The following GLRA2 variants were observed in gnomAD, a reference collection of about 807,000 sequenced individuals.
The protein encoded by GLRA2 is glycine receptor alpha 2.
In GLRA2, 11 loss-of-function variants were observed where a neutral mutation model predicts 31.6. The observed-to-expected ratio is 0.35, with a 90% CI of 0.22 to 0.58. The LOEUF (loss-of-function observed/expected upper bound fraction) is 0.58, where lower values mean the gene tolerates loss of function less well. Ranked by LOEUF, GLRA2 falls within the 20% of genes least tolerant of loss-of-function variation. GLRA2 has a pLI of 0.84. For synonymous variants in GLRA2, 132 were observed against 134.0 expected (o/e 0.99, Z 0.10); for missense variants, 212 against 351.8 (o/e 0.60, Z 3.18).
chrX:14,489,312 G>GTTAGGAAACCTT, the GLRA2 span, among the ~76,000 whole-genome samples: 1 of 111,341 alleles, frequency 9.0e-6, no homozygotes, highest in Non-Finnish European at 1.9e-5. Flanking sequence ...ACTCACAAAT[G>GTTAGGAAACCTT]TTAGGAAACC....
intron 2 of GLRA2, among the ~76,000 whole-genome samples, chrX:14,571,762 C>A (rs762108406): frequency 6.1e-5 from 4 of 65,747 alleles, no homozygotes; most frequent in Admixed American, 2.6e-4. Flanking sequence ...TGCAAATGAA[C>A]CTTGAACCAA....
At chrX:14,531,070 A>G (rs1253847521) in intron 1 of GLRA2, 1 of 966,578 alleles carries the variant, frequency 1.0e-6, no homozygotes, top group East Asian at 7.6e-5. Flanking sequence ...ATTAAGAAAA[A>G]ATATAGGCTG....
the GLRA2 span, among the ~76,000 whole-genome samples, chrX:14,487,407 A>AAC: frequency 7.7e-4 from 83 of 107,385 alleles, no homozygotes; most frequent in Non-Finnish European, 1.4e-3. Context: ...AAAAAAAAAA[A>AAC]AAAAAAAAGG....
intron 7 of GLRA2, 45 bp from the exon 8 acceptor site, chrX:14,690,665 C>T: frequency 1.1e-6 from 1 of 894,205 alleles, no homozygotes; most frequent in Non-Finnish European, 1.6e-6. Context: ...TTCTTTCTCT[C>T]TCTCTCTCTC....
intron 2 of GLRA2, 123 bp from the exon 3 acceptor site, chrX:14,574,210 T>A: frequency 2.2e-6 from 1 of 460,955 alleles, no homozygotes; most frequent in Non-Finnish European, 3.8e-6. Context: ...AGGGTAAAAC[T>A]TTTTTTTTGG....
At chrX:14,552,723 C>T (rs911239888) in intron 2 of GLRA2, among the ~76,000 whole-genome samples, 3 of 112,144 alleles carry the variant, frequency 2.7e-5, no homozygotes, top group African/African-American at 9.7e-5. Flanking sequence ...ACCTGGCAGA[C>T]CTTCTACCTC....
intron 4 of GLRA2, among the ~76,000 whole-genome samples, chrX:14,595,537 T>G (rs1350323948): frequency 3.6e-5 from 4 of 111,879 alleles, no homozygotes; most frequent in Non-Finnish European, 7.5e-5. Flanking sequence ...GTTAAAAAAT[T>G]TCATTCCTTG....
chrX:14,461,707 C>A, the GLRA2 span, among the ~76,000 whole-genome samples: 1 of 111,687 alleles, frequency 9.0e-6, no homozygotes, highest in Non-Finnish European at 1.9e-5. Flanking sequence ...CTTGGTAGAT[C>A]TTCCTCCATC....
intron 7 of GLRA2, among the ~76,000 whole-genome samples, chrX:14,620,245 C>T (rs968853662): frequency 1.8e-5 from 2 of 108,644 alleles, no homozygotes; most frequent in African/African-American, 6.7e-5. Flanking sequence ...TTTGCTTCCT[C>T]AGCACTGTCA....
chrX:14,591,056 C>T (rs1294878913), intron 4 of GLRA2, among the ~76,000 whole-genome samples: 2 of 111,763 alleles, frequency 1.8e-5, no homozygotes, highest in Non-Finnish European at 3.8e-5. Flanking sequence ...GTATGTATGA[C>T]AGACTCTCAT....
intron 7 of GLRA2, among the ~76,000 whole-genome samples, chrX:14,635,792 T>A (rs1248829966): frequency 2.7e-5 from 3 of 111,946 alleles, no homozygotes; most frequent in Non-Finnish European, 5.6e-5. Flanking sequence ...TCATGTTATG[T>A]CTATTGAAAA....
Position 14,724,626 on chromosome X carries a change from C to CAAAAA in GLRA2, c.1081-5559_1081-5555dup, listed in dbSNP as rs758722703. ...GGGTGACAAAAGCAAAACTCTGTCT[C>CAAAAA]AAAAAAAAAAAAAAAAAAAAAAAAA... On this transcript the variant is annotated intron_variant, in intron 8 of 8. Coordinates refer to ENST00000218075, the MANE Select transcript of GLRA2 (RefSeq NM_002063.4). 1.0e-4 allele frequency among the ~76,000 whole-genome samples: 5 copies of CAAAAA among 49,579 alleles called. 1 individual carries two copies. Among genetic ancestry groups the CAAAAA allele is most frequent in the African/African-American group, 1.7e-4 (2 of 11,558 alleles). 43.1% of individuals were successfully genotyped at this position (49,579 alleles called of 115,157 possible).
chrX:14,480,608 G>A, the GLRA2 span, among the ~76,000 whole-genome samples: 1 of 111,336 alleles, frequency 9.0e-6, no homozygotes, highest in Non-Finnish European at 1.9e-5. Flanking sequence ...ACCATTTATT[G>A]AATAGGGAGT....
Position 14,731,507 on chromosome X carries a change from T to C in GLRA2, c.*1022T>C, listed in dbSNP as rs1190406339. 2 of 111,728 alleles carry C rather than the reference T, an allele frequency of 1.8e-5. No homozygotes were observed. The allele number at this position is 111,728 out of a possible 1,213,427, so 9.2% of individuals were successfully genotyped here. On this transcript the variant is annotated 3_prime_UTR_variant, in exon 9 of 9. Transcript: ENST00000218075. Reference sequence around the variant, plus strand: ...TTGTAGGTGTAACTACTAGTCCTAATGTCAACTGACCCATGATTTCTACTG... The same window carrying C: ...TTGTAGGTGTAACTACTAGTCCTAACGTCAACTGACCCATGATTTCTACTG...
chrX:14,510,695 T>G, the GLRA2 span, among the ~76,000 whole-genome samples: 1 of 111,612 alleles, frequency 9.0e-6, no homozygotes, highest in Non-Finnish European at 1.9e-5. Flanking sequence ...AATAAAAAAG[T>G]CTGAAGTCCA....
chrX:14,513,001 A>G, the GLRA2 span, among the ~76,000 whole-genome samples: 3 of 112,227 alleles, frequency 2.7e-5, no homozygotes, highest in East Asian at 8.4e-4. Context: ...GCATCACATT[A>G]TGTGACTTCA....
chrX:14,685,263 T>G (rs1390045807), intron 7 of GLRA2, among the ~76,000 whole-genome samples: 2 of 111,531 alleles, frequency 1.8e-5, no homozygotes, highest in Admixed American at 9.5e-5. Flanking sequence ...TCAGGGATAT[T>G]GGTCTAAAAT....
the GLRA2 span, among the ~76,000 whole-genome samples, chrX:14,507,472 T>A: frequency 9.0e-6 from 1 of 110,746 alleles, no homozygotes; most frequent in Admixed American, 9.7e-5. Context: ...CTACTCTAAA[T>A]GTGGTTCATG....
chrX:14,624,353 A>G lies in GLRA2; in HGVS notation c.930+15148A>G, dbSNP rs761097269. The stretch of plus-strand genomic sequence containing the variant: ...GGTATTTTGTGTCTCTATCTCCTTC[A>G]GTTCTGCTCTGATCTTAAGTTATTT... On this transcript the variant is annotated intron_variant, in intron 7 of 8. Transcript: ENST00000218075. 2.7e-5 allele frequency among the ~76,000 whole-genome samples: 3 copies of G among 111,258 alleles called. No homozygotes were observed. In the South Asian group the frequency reaches 1.1e-3, roughly 42 times the overall value.
Sources: allele counts gnomAD v4.1 joint callset (sites outside exome capture counted in the v4.1 genomes callset), GRCh38; gene constraint gnomAD v4.1.1; transcripts MANE v1.5; gene names NCBI Gene and HGNC (gene_info 2026-07-23, HGNC 2026-07-21).